PRKDC: variants seen among roughly 807,000 people sequenced by gnomAD.
The protein encoded by PRKDC is protein kinase, DNA-activated, catalytic subunit.
Under a neutral mutation model 486.9 loss-of-function variants are expected in PRKDC, and 82 were observed. The ratio of observed to expected loss-of-function variants is 0.17; its 90% CI spans 0.14 to 0.20. PRKDC has a LOEUF of 0.20. PRKDC is among the 10% of genes least tolerant of loss of function. PRKDC has a pLI of 1.00. For synonymous variants in PRKDC, 1,895 were observed against 1,837.0 expected, an observed-to-expected ratio of 1.03 and a Z score of -0.81; for missense variants, 4,504 against 5,038.2, an observed-to-expected ratio of 0.89 and a Z score of 3.21.
At position 47,794,327 on chromosome 8, in the gene PRKDC, T is replaced by C. The variant is rs1013836036; in HGVS notation, c.10633A>G (p.Thr3545Ala). ...TCCTTATTCTTATGACCAGTAGAAG[T>C]ATCCTTGAAGGAATAGCTTTCGCTG... ...ISSESYSFKD[T>A]STGHKNKEFV... Residue 3545 changes from threonine to alanine, a missense_variant, in exon 74 of 86, where the codon ACT (threonine) becomes GCT (alanine). Transcript: ENST00000314191. 9 of 1,613,446 alleles carry C rather than the reference T, an allele frequency of 5.6e-6. No individual in the cohort carries two copies. Among genetic ancestry groups the C allele is most frequent in the Non-Finnish European group, 7.6e-6 (9 of 1,179,614 alleles).
intron 10 of PRKDC, among the ~76,000 whole-genome samples, chr8:47,942,857 C>A (rs1215262003): frequency 6.6e-6 from 1 of 152,240 alleles, no homozygotes; most frequent in Admixed American, 6.5e-5. Context: ...AAGCATCTAT[C>A]CCCTGGAGAC....
chr8:47,870,425 G>A (rs1048366520), intron 40 of PRKDC, among the ~76,000 whole-genome samples: 1 of 152,204 alleles, frequency 6.6e-6, no homozygotes. Flanking sequence ...TTCCAAGATT[G>A]TACCAAGACC....
At chr8:47,907,574 A>AC (rs1327853677) in intron 25 of PRKDC, among the ~76,000 whole-genome samples, 1 of 126,334 alleles carries the variant, frequency 7.9e-6, no homozygotes, top group Non-Finnish European at 1.6e-5. Flanking sequence ...TTACTCTGTC[A>AC]CCCAGGCTAG....
chr8:47,936,452 C>T lies in PRKDC; in HGVS notation c.1179G>A (p.Lys393=), dbSNP rs2090353848. 6.2e-7 allele frequency: 1 copy of T among 1,614,066 alleles called. No homozygotes were observed. Among genetic ancestry groups the T allele is most frequent in the Non-Finnish European group, 8.5e-7 (1 of 1,179,904 alleles). Residue 393 remains lysine (K), a synonymous_variant, in exon 12 of 86, where the codon AAG becomes AAA. Coordinates refer to ENST00000314191, the MANE Select transcript of PRKDC (RefSeq NM_006904.7). The part of the protein sequence containing the change: ...FMYVELIQRC[K]QMFLTQTDTG... ...TGTCTGTCTGGGTGAGGAACATCTG[C>T]TTGCAGCGCTGAATGAGCTCAACGT...
At chr8:47,863,712 A>G in intron 41 of PRKDC, 135 bp from the exon 42 acceptor site, 4 of 685,676 alleles carry the variant, frequency 5.8e-6, no homozygotes, top group Non-Finnish European at 4.7e-6. Context: ...AATCACTTCA[A>G]TAAGAAAGCA....
rs369309081 is a variant in PRKDC at position 47,831,901 on chromosome 8, T to C, written c.8178A>G (p.Leu2726=). The part of the protein sequence containing the change: ...VKGAAGRTDL[L]RLRRRFMRDQ... ...CCCTCATAAACCGTCTGCGCAGTCG[T>C]AGTAGGTCCGTCCGGCCGGCCGCAC... The change falls in exon 60 of 86, where the codon CTA becomes CTG. Residue 2726 remains leucine (L), a synonymous_variant. Coordinates refer to ENST00000314191, the MANE Select transcript of PRKDC (RefSeq NM_006904.7). 2.4e-5 allele frequency: 39 copies of C among 1,613,406 alleles called. No individual in the cohort carries two copies. The African/African-American group carries it at 4.5e-4, about 19-fold the overall frequency.
intron 40 of PRKDC, 163 bp from the exon 41 acceptor site, chr8:47,864,926 C>T: frequency 1.8e-6 from 1 of 558,336 alleles, no homozygotes; most frequent in Non-Finnish European, 3.0e-6. Context: ...AAAGCATTTG[C>T]ACATGAACCA....
chr8:47,808,270 T>C (rs948531194), intron 68 of PRKDC, among the ~76,000 whole-genome samples: 3 of 151,750 alleles, frequency 2.0e-5, no homozygotes, highest in African/African-American at 7.3e-5. Flanking sequence ...GCCTCCCAAA[T>C]AGCCGGGGTT....
In PRKDC at chr8:47,849,393, A is replaced by G. The variant is rs984007200; in HGVS notation, c.7116T>C (p.Pro2372=). Reference sequence around the variant, plus strand: ...ACAGCCCATACCTGTCTGCAAGAGGAGGGAAGCTCTTGGTCACTTTGTTCA... The same window carrying G: ...ACAGCCCATACCTGTCTGCAAGAGGGGGGAAGCTCTTGGTCACTTTGTTCA... ...VCLNKVTKSF[P]PLADRFMNAV... The change falls in exon 53 of 86, where the codon CCT becomes CCC. Residue 2372 remains proline, a synonymous_variant. Transcript: ENST00000314191. The G allele has an allele frequency of 1.2e-5, 19 of 1,614,014 alleles. No individual in the cohort carries two copies. The highest frequency in any genetic ancestry group is 1.5e-5 in the Non-Finnish European group (18 of 1,179,890).
intron 10 of PRKDC, among the ~76,000 whole-genome samples, chr8:47,941,548 G>A (rs1466773579): frequency 1.3e-5 from 2 of 152,218 alleles, no homozygotes; most frequent in Non-Finnish European, 2.9e-5. Flanking sequence ...CATGGATGCT[G>A]GGAAAGGAAT....
In PRKDC at chr8:47,915,401, T is replaced by G. The variant is rs746715032; in HGVS notation, c.2544A>C (p.Leu848Phe). 1 of 1,551,612 alleles carries G rather than the reference T, an allele frequency of 6.4e-7. No homozygotes were observed. Among genetic ancestry groups the G allele is most frequent in the East Asian group, 2.3e-5 (1 of 43,334 alleles). The change falls in exon 23 of 86, where the codon TTA becomes TTC. Residue 848 changes from leucine (L) to phenylalanine (F), a missense_variant. Transcript: ENST00000314191. The stretch of plus-strand genomic sequence containing the variant: ...GTACTACTCTAATTCTTATTTCTTC[T>G]AAGGATATTGCTTCGTTCTGTAAAT... ...KNLSSNEAIS[L>F]EEIRIRVVQM...
chr8:47,850,447 A>C (rs2088377061), intron 52 of PRKDC, among the ~76,000 whole-genome samples: 2 of 152,166 alleles, frequency 1.3e-5, no homozygotes, highest in Non-Finnish European at 1.5e-5. Flanking sequence ...AGAAACTATC[A>C]TGAAAATATT....
intron 70 of PRKDC, among the ~76,000 whole-genome samples, chr8:47,803,067 G>A (rs1227936468): frequency 3.3e-5 from 5 of 152,296 alleles, no homozygotes; most frequent in Admixed American, 1.3e-4. Flanking sequence ...GATTACAGGC[G>A]TGAGCCACTG....
At chr8:47,806,849 A>G (rs749660463) in intron 69 of PRKDC, among the ~76,000 whole-genome samples, 2 of 152,196 alleles carry the variant, frequency 1.3e-5, no homozygotes, top group Admixed American at 6.5e-5. Flanking sequence ...AGAGTTTTGA[A>G]TAAGTGCTCC....
intron 52 of PRKDC, among the ~76,000 whole-genome samples, chr8:47,851,606 C>T (rs2088405401): frequency 6.6e-6 from 1 of 152,174 alleles, no homozygotes; most frequent in African/African-American, 2.4e-5. Flanking sequence ...TCTACTCTGT[C>T]CTTTCTTTCA....
rs780805923 is a variant in PRKDC at position 47,783,764 on chromosome 8, C to T, written c.11153G>A (p.Arg3718Gln). ...RGKPLPEYHV[R>Q]IAGFDERVTV... Reference sequence around the variant, plus strand: ...TACCCGCTCATCAAACCCGGCGATTCGCACGTGGTACTCTGGCAATGGCTT... The same window carrying T: ...TACCCGCTCATCAAACCCGGCGATTTGCACGTGGTACTCTGGCAATGGCTT... Residue 3718 changes from arginine (R) to glutamine (Q), a missense_variant, in exon 78 of 86, where the codon CGA becomes CAA. Physicochemically the swap from Arg to Gln is conservative, Grantham distance 43 (BLOSUM62 1). Around this residue, in one of 6 missense-constraint regions of PRKDC, gnomAD observed 706 missense variants for 945.0 expected, o/e 0.75. Coordinates refer to ENST00000314191, the MANE Select transcript of PRKDC (RefSeq NM_006904.7). The T allele has an allele frequency of 1.9e-5, 30 of 1,613,824 alleles. No homozygotes were observed. The highest frequency in any genetic ancestry group is 3.3e-5 in the Admixed American group (2 of 60,000).
chr8:47,848,528 A>C (rs1313614449), intron 54 of PRKDC, among the ~76,000 whole-genome samples: 4 of 152,110 alleles, frequency 2.6e-5, no homozygotes, highest in African/African-American at 9.7e-5. Context: ...ACTAACTACT[A>C]GGTACTATGG....
chr8:47,941,176 T>C (rs932024851), intron 10 of PRKDC, among the ~76,000 whole-genome samples: 4 of 149,704 alleles, frequency 2.7e-5, no homozygotes, highest in African/African-American at 9.8e-5. Context: ...AAACACATCA[T>C]ATAGATGTCA....
rs775582077 is a variant in PRKDC at position 47,854,064 on chromosome 8, TAATC to T, written c.6893+15_6893+18del. 4.2e-5 allele frequency: 67 copies of T among 1,613,072 alleles called. No homozygotes were observed. In the South Asian group the frequency reaches 4.6e-4, roughly 11 times the overall value. On this transcript the variant is annotated intron_variant, in intron 51 of 85. Coordinates refer to ENST00000314191, the MANE Select transcript of PRKDC (RefSeq NM_006904.7). Reference sequence around the variant, plus strand: ...GTTTGGGTAGACGTGACCTAAAAAATAATCAAGCAAACACGTACTCGCTACTCTG... The same window carrying T: ...GTTTGGGTAGACGTGACCTAAAAAATAAGCAAACACGTACTCGCTACTCTG...
Sources: gnomAD v4.1 joint callset for allele counts (sites outside exome capture counted in the v4.1 genomes callset) on GRCh38, gnomAD v4.1.1 for gene constraint, gnomAD v4.1.1 regional missense constraint, MANE v1.5 for transcripts, NCBI Gene and HGNC (gene_info 2026-07-23, HGNC 2026-07-21) for gene names.